The following TAFA5 variants were observed in gnomAD, a reference collection of about 807,000 sequenced individuals.
The protein encoded by TAFA5 is TAFA chemokine like family member 5.
TAFA5 carries 6 observed loss-of-function variants against 15.3 expected under a neutral mutation model. That is an observed-to-expected ratio of 0.39 (90% CI 0.21 to 0.77). TAFA5 has a LOEUF of 0.77. Ranked by LOEUF, TAFA5 falls within the 30% of genes least tolerant of loss-of-function variation. The pLI is 0.41. For synonymous variants in TAFA5, 103 were observed against 80.7 expected, an observed-to-expected ratio of 1.28 and a Z score of -1.48; for missense variants, 161 against 193.1, an observed-to-expected ratio of 0.83 and a Z score of 0.98.
intron 1 of TAFA5, among the ~76,000 whole-genome samples, chr22:48,621,451 C>T (rs567815926): frequency 2.6e-5 from 4 of 152,174 alleles, no homozygotes; most frequent in East Asian, 3.9e-4. Context: ...ACAGGAACCC[C>T]CATGCCCATC....
intron 2 of TAFA5, among the ~76,000 whole-genome samples, chr22:48,687,227 G>A (rs1928390104): frequency 6.6e-6 from 1 of 150,574 alleles, no homozygotes; most frequent in African/African-American, 2.4e-5. Context: ...TGGATGGATT[G>A]AGTGGATAGA....
intron 1 of TAFA5, among the ~76,000 whole-genome samples, chr22:48,577,030 C>T (rs12053770): frequency 6.6e-6 from 1 of 152,196 alleles, no homozygotes; most frequent in Non-Finnish European, 1.5e-5. Context: ...CCGCGGACGT[C>T]GGGAAACCGG....
intron 1 of TAFA5, chr22:48,539,114 A>G (rs936804847): frequency 6.6e-5 from 17 of 256,906 alleles, no homozygotes; most frequent in Middle Eastern, 1.5e-3. Flanking sequence ...AATCCCGGGG[A>G]GAGAAGTATC....
At chr22:48,509,212 G>C (rs4823794) in intron 1 of TAFA5, among the ~76,000 whole-genome samples, 1 of 152,072 alleles carries the variant, frequency 6.6e-6, no homozygotes, top group African/African-American at 2.4e-5. Context: ...GGCGCCTGCT[G>C]ATGGACACTT....
At chr22:48,669,925 T>C (rs1927747669) in intron 2 of TAFA5, among the ~76,000 whole-genome samples, 2 of 152,196 alleles carry the variant, frequency 1.3e-5, no homozygotes, top group African/African-American at 4.8e-5. Flanking sequence ...AGCTGGCTTC[T>C]CCATTCAGTT....
intron 1 of TAFA5, among the ~76,000 whole-genome samples, chr22:48,558,203 T>C (rs1281221405): frequency 1.3e-5 from 2 of 152,228 alleles, no homozygotes; most frequent in East Asian, 3.9e-4. Flanking sequence ...TTATTGCGTC[T>C]TCGCTCTCCG....
chr22:48,730,961 G>T (rs1181295890), intron 3 of TAFA5, among the ~76,000 whole-genome samples: 2 of 152,222 alleles, frequency 1.3e-5, no homozygotes, highest in South Asian at 2.1e-4. Context: ...CGTGAGGAAG[G>T]CGTGTCGAAA....
chr22:48,737,740 C>T (rs987112093), intron 3 of TAFA5, among the ~76,000 whole-genome samples: 7 of 152,188 alleles, frequency 4.6e-5, no homozygotes, highest in South Asian at 2.1e-4. Flanking sequence ...TGCTCCCTAG[C>T]GCTGGATGTG....
At chr22:48,747,947 C>T (rs1930376637) in intron 3 of TAFA5, among the ~76,000 whole-genome samples, 1 of 151,782 alleles carries the variant, frequency 6.6e-6, no homozygotes, top group South Asian at 2.1e-4. Flanking sequence ...CAGCAGGCTC[C>T]TCCTGACCTT....
At position 48,675,891 on chromosome 22, in the gene TAFA5, C is replaced by T. The variant is rs529784198; in HGVS notation, c.262+29145C>T. On this transcript the variant is annotated intron_variant, in intron 2 of 3. Transcript: ENST00000402357. ...GGTGGCTCATCCCAGACCCACTGCC[C>T]TGTGCATCACAGCGCACCCTGACGC... 3.3e-5 allele frequency among the ~76,000 whole-genome samples: 5 copies of T among 152,388 alleles called. No homozygotes were observed. In the South Asian group the frequency reaches 1.0e-3, roughly 32 times the overall value.
intron 1 of TAFA5, among the ~76,000 whole-genome samples, chr22:48,578,699 G>A (rs901882225): frequency 3.9e-5 from 6 of 152,232 alleles, no homozygotes; most frequent in African/African-American, 9.6e-5. Flanking sequence ...CTCCCTGTCC[G>A]GAAGCGGTGG....
At chr22:48,668,959 G>A (rs574072091) in intron 2 of TAFA5, among the ~76,000 whole-genome samples, 30 of 152,356 alleles carry the variant, frequency 2.0e-4, no homozygotes, top group African/African-American at 7.2e-4. Flanking sequence ...GACCTCCCCA[G>A]ATTCATGTGT....
At position 48,500,196 on chromosome 22, in the gene TAFA5, T is replaced by C. The variant is rs150890701; in HGVS notation, c.112+10492T>C. Among the ~76,000 whole-genome samples, 300 of 152,226 alleles carry C rather than the reference T, an allele frequency of 2.0e-3. 1 individual carries two copies. Among genetic ancestry groups the C allele is most frequent in the African/African-American group, 6.6e-3 (274 of 41,532 alleles). On this transcript the variant is annotated intron_variant, in intron 1 of 3. Coordinates refer to ENST00000402357, the MANE Select transcript of TAFA5 (RefSeq NM_001082967.3). ...GTGACGCGGCAGGGTTGTACAGTTC[T>C]GTATCAGCGATCCCAGCCTCAGACT...
At chr22:48,557,671 G>A (rs371002197) in intron 1 of TAFA5, among the ~76,000 whole-genome samples, 5 of 152,216 alleles carry the variant, frequency 3.3e-5, no homozygotes, top group East Asian at 1.9e-4. Context: ...GCCACTGAGC[G>A]CCACGGCCAC....
intron 1 of TAFA5, among the ~76,000 whole-genome samples, chr22:48,553,993 C>T (rs541989727): frequency 7.2e-4 from 109 of 152,358 alleles, no homozygotes; most frequent in African/African-American, 2.5e-3. Flanking sequence ...GAAATTCCCC[C>T]AAAGCGACAA....
chr22:48,665,353 T>C (rs561595377), intron 2 of TAFA5, among the ~76,000 whole-genome samples: 13 of 152,328 alleles, frequency 8.5e-5, no homozygotes, highest in African/African-American at 3.1e-4. Context: ...ATTTGCTTAA[T>C]GGTACATTTT....
At chr22:48,600,193 C>T (rs560671416) in intron 1 of TAFA5, among the ~76,000 whole-genome samples, 1 of 152,316 alleles carries the variant, frequency 6.6e-6, no homozygotes, top group South Asian at 2.1e-4. Context: ...TCCTATGCAA[C>T]ATCCCCAGAT....
intron 2 of TAFA5, among the ~76,000 whole-genome samples, chr22:48,693,015 A>ACAGAACTCAG (rs980703474): frequency 2.2e-4 from 34 of 152,326 alleles, no homozygotes; most frequent in African/African-American, 7.5e-4. Context: ...CTCACTATTC[A>ACAGAACTCAG]CAGAACTCAG....
intron 1 of TAFA5, among the ~76,000 whole-genome samples, chr22:48,613,954 C>T (rs958483601): frequency 6.6e-6 from 1 of 152,230 alleles, no homozygotes; most frequent in African/African-American, 2.4e-5. Context: ...TCCCACCACC[C>T]CCGGCTCGCG....
Sources: gnomAD v4.1 joint callset for allele counts (sites outside exome capture counted in the v4.1 genomes callset) on GRCh38, gnomAD v4.1.1 for gene constraint, MANE v1.5 for transcripts, NCBI Gene and HGNC (gene_info 2026-07-23, HGNC 2026-07-21) for gene names.